CDR2: variants seen among roughly 807,000 people sequenced by gnomAD.
The protein encoded by CDR2 is cerebellar degeneration-related protein 2.
A neutral mutation model predicts 48.4 loss-of-function variants in CDR2; 34 were observed. The ratio of observed to expected loss-of-function variants is 0.70; its 90% CI spans 0.53 to 0.94. CDR2 has a LOEUF of 0.94. Ranked by LOEUF, CDR2 falls within the 40% of genes least tolerant of loss-of-function variation. CDR2 has a pLI of 0.00. For missense variants in CDR2, 498 were observed against 549.5 expected, an observed-to-expected ratio of 0.91 and a Z score of 0.94; for synonymous variants, 240 against 219.7, an observed-to-expected ratio of 1.09 and a Z score of -0.82.
At chr16:22,353,301 G>A (rs1258271066) in intron 2 of CDR2, among the ~76,000 whole-genome samples, 1 of 152,180 alleles carries the variant, frequency 6.6e-6, no homozygotes, top group Admixed American at 6.5e-5. Context: ...GGGATCAGAG[G>A]AGTCTGATGG....
chr16:22,354,325 T>C (rs1186153053), intron 2 of CDR2, among the ~76,000 whole-genome samples: 2 of 152,206 alleles, frequency 1.3e-5, no homozygotes, highest in South Asian at 2.1e-4. Context: ...ACTGGATCAA[T>C]GATGACTCTT....
At chr16:22,363,710 T>C (rs574359701) in intron 2 of CDR2, among the ~76,000 whole-genome samples, 19 of 152,308 alleles carry the variant, frequency 1.2e-4, no homozygotes, top group Admixed American at 3.3e-4. Flanking sequence ...GAGCTTATAA[T>C]TTAAGTACAG....
At chr16:22,356,838 G>C (rs954783247) in intron 2 of CDR2, among the ~76,000 whole-genome samples, 5 of 151,302 alleles carry the variant, frequency 3.3e-5, no homozygotes, top group African/African-American at 1.2e-4. Flanking sequence ...CTACTGGGGA[G>C]GCTGAAGCAG....
At chr16:22,347,852 T>G in intron 4 of CDR2, 29 bp from the exon 5 acceptor site, 1 of 1,567,000 alleles carries the variant, frequency 6.4e-7, no homozygotes, top group Non-Finnish European at 8.7e-7. Context: ...AAAGAATATA[T>G]TACACAGGTC....
In CDR2 at chr16:22,347,016, C is replaced by T; in HGVS notation, c.1314G>A (p.Gln438=). 1 of 1,614,012 alleles carries T rather than the reference C, an allele frequency of 6.2e-7. No homozygotes were observed. Among genetic ancestry groups the T allele is most frequent in the Admixed American group, 1.7e-5 (1 of 60,016 alleles). The stretch of plus-strand genomic sequence containing the variant: ...ATTTTGTTCTCTGTTCATCTATTTC[C>T]TGCTTAGTTTTCTTGATGCAACTAA... The part of the protein sequence containing the change: ...EIFSCIKKTK[Q]EIDEQRTKYR... Residue 438 remains glutamine, a synonymous_variant, in exon 5 of 5, where the codon CAG becomes CAA. Transcript: ENST00000268383.
intron 2 of CDR2, among the ~76,000 whole-genome samples, chr16:22,360,739 CTTTTTTTTTTTTT>C (rs201976962): frequency 2.8e-4 from 21 of 74,140 alleles, no homozygotes; most frequent in Admixed American, 1.5e-3. Flanking sequence ...AAAAAATGAT[CTTTTTTTTTTTTT>C]TTTTTTTTTT....
chr16:22,360,921 T>G (rs1357816771), intron 2 of CDR2, among the ~76,000 whole-genome samples: 2 of 151,970 alleles, frequency 1.3e-5, no homozygotes, highest in African/African-American at 4.8e-5. Flanking sequence ...AGCTACTTTT[T>G]GTATTTTTAG....
At chr16:22,365,255 T>C (rs1442892569) in intron 1 of CDR2, 1 of 379,260 alleles carries the variant, frequency 2.6e-6, no homozygotes, top group Non-Finnish European at 4.8e-6. Context: ...TTTATGGAGA[T>C]GCAGTTATTT....
intron 1 of CDR2, chr16:22,365,228 GA>G: frequency 2.2e-6 from 1 of 449,756 alleles, no homozygotes; most frequent in South Asian, 3.4e-5. Context: ...TGTAAGAAGT[GA>G]AAAATGGTCA....
intron 2 of CDR2, among the ~76,000 whole-genome samples, chr16:22,354,832 T>A (rs2048963933): frequency 6.6e-6 from 1 of 152,136 alleles, no homozygotes; most frequent in Non-Finnish European, 1.5e-5. Context: ...AGGCAAAGGT[T>A]GCAGTGAGAT....
At chr16:22,349,149 T>A in intron 4 of CDR2, 130 bp downstream of exon 4, 1 of 923,710 alleles carries the variant, frequency 1.1e-6, no homozygotes, top group Admixed American at 2.3e-5. Flanking sequence ...AGTGATTTTG[T>A]TCAAACCAAT....
At chr16:22,364,034 G>T (rs1275543331) in intron 2 of CDR2, among the ~76,000 whole-genome samples, 9 of 152,060 alleles carry the variant, frequency 5.9e-5, no homozygotes, top group African/African-American at 2.2e-4. Context: ...GACTTCCCAG[G>T]TTCAGGTGAT....
At chr16:22,356,121 T>C (rs2048972741) in intron 2 of CDR2, among the ~76,000 whole-genome samples, 3 of 152,198 alleles carry the variant, frequency 2.0e-5, no homozygotes, top group Non-Finnish European at 1.5e-5. Flanking sequence ...TTAATACGTA[T>C]CTATATTACA....
At chr16:22,373,278 C>G (rs2141857095) in intron 1 of CDR2, among the ~76,000 whole-genome samples, 1 of 152,332 alleles carries the variant, frequency 6.6e-6, no homozygotes, top group East Asian at 1.9e-4. Context: ...ACACCATCGG[C>G]AGGCCTGTTT....
At chr16:22,363,553 T>G (rs538679714) in intron 2 of CDR2, among the ~76,000 whole-genome samples, 2 of 152,266 alleles carry the variant, frequency 1.3e-5, no homozygotes, top group Non-Finnish European at 2.9e-5. Context: ...CTCCGCTTGT[T>G]TGAATTCCCA....
chr16:22,358,415 C>T (rs1170799182), intron 2 of CDR2, among the ~76,000 whole-genome samples: 1 of 152,164 alleles, frequency 6.6e-6, no homozygotes, highest in Non-Finnish European at 1.5e-5. Flanking sequence ...GTCACCTCAA[C>T]TATGAGTACA....
At chr16:22,355,974 G>A (rs1206615934) in intron 2 of CDR2, among the ~76,000 whole-genome samples, 1 of 152,014 alleles carries the variant, frequency 6.6e-6, no homozygotes, top group East Asian at 1.9e-4. Context: ...GTAGTATTAG[G>A]TTTATCTGTG....
In CDR2 at chr16:22,371,515, G is replaced by C. The variant is rs141719171; in HGVS notation, c.79+2716C>G. ...AGGAATCCTACCTATCCACTCATGT[G>C]GGGAGGTGCTGTGGCCCCAGGGCCC... is the stretch of plus-strand genomic sequence containing the variant. On this transcript the variant is annotated intron_variant, in intron 1 of 4. Coordinates refer to ENST00000268383, the MANE Select transcript of CDR2 (RefSeq NM_001802.2). Among the ~76,000 whole-genome samples, 3 of 152,316 alleles carry C rather than the reference G, an allele frequency of 2.0e-5. No homozygotes were observed. In the East Asian group the frequency reaches 5.8e-4, roughly 29 times the overall value.
chr16:22,364,381 T>A (rs906559269), intron 2 of CDR2, among the ~76,000 whole-genome samples: 45 of 149,218 alleles, frequency 3.0e-4, no homozygotes, highest in Admixed American at 6.7e-5. Context: ...GGAACTATGA[T>A]TTTTTTTTTT....
Sources: gnomAD v4.1 joint callset for allele counts (sites outside exome capture counted in the v4.1 genomes callset) on GRCh38, gnomAD v4.1.1 for gene constraint, MANE v1.5 for transcripts, NCBI Gene and HGNC (gene_info 2026-07-23, HGNC 2026-07-21) for gene names.